TNR: variants seen among roughly 807,000 people sequenced by gnomAD.
TNR encodes tenascin-R.
A neutral mutation model predicts 150.4 loss-of-function variants in TNR; 45 were observed. The observed-to-expected ratio is 0.30, with a 90% CI of 0.24 to 0.38. TNR has a LOEUF of 0.38. Ranked by LOEUF, TNR falls within the 10% of genes least tolerant of loss-of-function variation. The pLI is 1.00. For missense variants in TNR, 1,544 were observed against 1,759.1 expected (o/e 0.88, Z 2.19); for synonymous variants, 687 against 678.4 (o/e 1.01, Z -0.20).
chr1:175,389,929 C>G (rs916369094), intron 7 of TNR, among the ~76,000 whole-genome samples: 3 of 152,142 alleles, frequency 2.0e-5, no homozygotes, highest in Non-Finnish European at 2.9e-5. Context: ...GGTTTGAAAG[C>G]TTTTTGGGTG....
At chr1:175,361,485 C>A (rs564983259) in intron 14 of TNR, among the ~76,000 whole-genome samples, 46 of 152,154 alleles carry the variant, frequency 3.0e-4, no homozygotes, top group African/African-American at 1.1e-3. Flanking sequence ...TTGTCATAAG[C>A]CTGGAAGGAG....
At chr1:175,360,886 C>T (rs924817446) in intron 14 of TNR, among the ~76,000 whole-genome samples, 6 of 152,126 alleles carry the variant, frequency 3.9e-5, no homozygotes, top group South Asian at 4.1e-4. Flanking sequence ...TAGACCTCAA[C>T]GTAAAACCAC....
chr1:175,734,417 C>T (rs73037263), intron 1 of TNR, among the ~76,000 whole-genome samples: 8,377 of 152,278 alleles, frequency 0.055, 710 homozygotes, highest in African/African-American at 0.18. Context: ...GATTTCCCCA[C>T]GTCTCCACAG....
At chr1:175,329,189 T>C (rs1352492653) in intron 21 of TNR, among the ~76,000 whole-genome samples, 1 of 152,198 alleles carries the variant, frequency 6.6e-6, no homozygotes, top group East Asian at 1.9e-4. Context: ...TCAAGAGTCA[T>C]AAAAATGTTG....
At chr1:175,376,792 A>G (rs1046792588) in intron 9 of TNR, among the ~76,000 whole-genome samples, 1 of 151,330 alleles carries the variant, frequency 6.6e-6, no homozygotes, top group Non-Finnish European at 1.5e-5. Flanking sequence ...ATGTTAAGCT[A>G]TTTGCCTCAT....
intron 1 of TNR, among the ~76,000 whole-genome samples, chr1:175,576,654 A>C (rs1327346137): frequency 0.023 from 3,526 of 152,272 alleles, 137 homozygotes; most frequent in African/African-American, 0.078. Flanking sequence ...AAGCTTGTAA[A>C]TACTTCATAA....
chr1:175,407,646 C>T (rs1028337826), intron 2 of TNR, among the ~76,000 whole-genome samples: 2 of 152,174 alleles, frequency 1.3e-5, no homozygotes, highest in African/African-American at 4.8e-5. Context: ...GACTAAGGGA[C>T]CAAGTGAGTG....
intron 1 of TNR, among the ~76,000 whole-genome samples, chr1:175,576,129 C>A (rs976588444): frequency 6.6e-6 from 1 of 152,200 alleles, no homozygotes; most frequent in African/African-American, 2.4e-5. Context: ...CCCAGCACTG[C>A]TGTGGTAGGA....
intron 1 of TNR, among the ~76,000 whole-genome samples, chr1:175,584,990 A>C (rs1231497672): frequency 6.6e-6 from 1 of 152,220 alleles, no homozygotes; most frequent in African/African-American, 2.4e-5. Context: ...TCTGCACGTC[A>C]TTGGTTTACT....
chr1:175,488,804 G>A (rs577495161), intron 2 of TNR, among the ~76,000 whole-genome samples: 2 of 152,352 alleles, frequency 1.3e-5, no homozygotes, highest in Non-Finnish European at 2.9e-5. Context: ...TAAGAAGGGA[G>A]TATTTTTGCC....
At chr1:175,623,547 A>G (rs1298604431) in intron 1 of TNR, among the ~76,000 whole-genome samples, 1 of 152,150 alleles carries the variant, frequency 6.6e-6, no homozygotes, top group Non-Finnish European at 1.5e-5. Context: ...TTCATTCCAC[A>G]TCAAGCCCCG....
At chr1:175,633,198 A>G (rs1664387975) in intron 1 of TNR, among the ~76,000 whole-genome samples, 1 of 152,178 alleles carries the variant, frequency 6.6e-6, no homozygotes. Flanking sequence ...TGCATATGCA[A>G]TTATCATCTG....
chr1:175,683,622 G>A (rs1452618248), intron 1 of TNR, among the ~76,000 whole-genome samples: 1 of 152,194 alleles, frequency 6.6e-6, no homozygotes, highest in Non-Finnish European at 1.5e-5. Flanking sequence ...AGGGACCTGT[G>A]TGGTTTGCAT....
chr1:175,365,982 G>A lies in TNR; in HGVS notation c.2210C>T (p.Thr737Ile). The change falls in exon 11 of 23, where the codon ACC becomes ATC. Residue 737 changes from threonine (T) to isoleucine (I), a missense_variant. Thr to Ile is a moderately conservative substitution (Grantham distance 89). Around this residue, in one of 2 missense-constraint regions of TNR, gnomAD observed 1,254 missense variants for 1,329.4 expected, o/e 0.94. Coordinates refer to ENST00000367674, the MANE Select transcript of TNR (RefSeq NM_003285.3). ...ASEVTVPKDR[T>I]SYTLTDLEPG... ...CTCTAGATCTGTTAGTGTGTATGAGGTCCTGTCCTTGGGTACGGTGACTTC... is the reference window on the plus strand; with the variant it reads ...CTCTAGATCTGTTAGTGTGTATGAGATCCTGTCCTTGGGTACGGTGACTTC... 2 of 1,614,150 alleles carry A rather than the reference G, an allele frequency of 1.2e-6. No individual in the cohort carries two copies. Among genetic ancestry groups the A allele is most frequent in the South Asian group, 1.1e-5 (1 of 91,070 alleles).
chr1:175,504,323 A>G (rs1477487847), intron 2 of TNR, among the ~76,000 whole-genome samples: 1 of 152,054 alleles, frequency 6.6e-6, no homozygotes, highest in African/African-American at 2.4e-5. Flanking sequence ...GGTAGGTACC[A>G]TTAGTATCTG....
At chr1:175,331,146 C>CTCT (rs1649873369) in intron 20 of TNR, among the ~76,000 whole-genome samples, 10 of 96,840 alleles carry the variant, frequency 1.0e-4, no homozygotes, top group South Asian at 7.3e-4. Context: ...TTTCTTTCTT[C>CTCT]CTTTCTTTCT....
At chr1:175,472,818 A>G (rs1490126512) in intron 2 of TNR, among the ~76,000 whole-genome samples, 1 of 152,132 alleles carries the variant, frequency 6.6e-6, no homozygotes, top group Non-Finnish European at 1.5e-5. Context: ...AACATCTACT[A>G]TCCCTGGCTG....
At chr1:175,555,515 GAAAAAAAA>G (rs56074366) in intron 1 of TNR, among the ~76,000 whole-genome samples, 4 of 127,880 alleles carry the variant, frequency 3.1e-5, no homozygotes, top group African/African-American at 1.2e-4. Context: ...ACAACTGAGA[GAAAAAAAA>G]AAAAAAAAAA....
At chr1:175,668,110 AC>A (rs1483801618) in intron 1 of TNR, among the ~76,000 whole-genome samples, 20 of 152,140 alleles carry the variant, frequency 1.3e-4, no homozygotes, top group African/African-American at 4.8e-4. Context: ...TCTAATACAT[AC>A]CTTTTGATGA....
Sources: allele counts gnomAD v4.1 joint callset (sites outside exome capture counted in the v4.1 genomes callset), GRCh38; gene constraint gnomAD v4.1.1; regional missense constraint gnomAD v4.1.1; transcripts MANE v1.5; gene names NCBI Gene and HGNC (gene_info 2026-07-23, HGNC 2026-07-21).